Variants in STK3 observed in about 807,000 individuals in gnomAD.
STK3 encodes the protein serine/threonine-protein kinase 3.
A neutral mutation model predicts 58.0 loss-of-function variants in STK3; 41 were observed. That is an observed-to-expected ratio of 0.71 (90% CI 0.55 to 0.92). The LOEUF is 0.92. Among genes scored for constraint, STK3 ranks in the 40% least tolerant of loss-of-function variants. STK3 has a pLI of 0.00. For missense variants in STK3, 479 were observed against 602.7 expected (o/e 0.79, Z 2.15); for synonymous variants, 170 against 191.0 (o/e 0.89, Z 0.91).
At chr8:98,538,724 C>T (rs1027052311) in intron 9 of STK3, among the ~76,000 whole-genome samples, 1 of 152,166 alleles carries the variant, frequency 6.6e-6, no homozygotes, top group African/African-American at 2.4e-5. Flanking sequence ...CTAATATTTA[C>T]ATCCTTGTGT....
the STK3 span, among the ~76,000 whole-genome samples, chr8:98,366,140 A>G: frequency 6.6e-6 from 1 of 152,164 alleles, no homozygotes; most frequent in Admixed American, 6.5e-5. Context: ...ATTTTCACCA[A>G]TACTTTGTAT....
At chr8:98,738,164 G>C (rs186466864) in intron 4 of STK3, among the ~76,000 whole-genome samples, 1 of 152,156 alleles carries the variant, frequency 6.6e-6, no homozygotes, top group Admixed American at 6.6e-5. Flanking sequence ...ACTTTTTGTG[G>C]AGCTTGACAA....
At chr8:98,736,276 T>C (rs1828588492) in intron 4 of STK3, among the ~76,000 whole-genome samples, 1 of 152,140 alleles carries the variant, frequency 6.6e-6, no homozygotes, top group Non-Finnish European at 1.5e-5. Flanking sequence ...TGGGCCTTCA[T>C]GGATGCAAAT....
chr8:98,722,747 C>G, intron 4 of STK3: 1 of 197,976 alleles, frequency 5.1e-6, no homozygotes, highest in Non-Finnish European at 1.1e-5. Flanking sequence ...CAGTACCTTT[C>G]TCATATCTGT....
intron 1 of STK3, among the ~76,000 whole-genome samples, chr8:98,797,067 T>C (rs572560581): frequency 1.6e-4 from 24 of 152,336 alleles, no homozygotes; most frequent in Non-Finnish European, 3.4e-4. Context: ...CTGACATCTT[T>C]TCCCTAGCTA....
chr8:98,665,849 G>A lies in STK3; in HGVS notation c.684+40618C>T, dbSNP rs1199505680. Among the ~76,000 whole-genome samples, 3 of 151,942 alleles carry A rather than the reference G, an allele frequency of 2.0e-5. No individual in the cohort carries two copies. The East Asian group carries it at 5.8e-4, about 29-fold the overall frequency. On this transcript the variant is annotated intron_variant, in intron 6 of 10. Transcript: ENST00000419617. Reference sequence around the variant, plus strand: ...CTCCAGAGTAGCTGGGACTACATGTGCCCGCCACCACGCCCGGCTAATTTT... The same window carrying A: ...CTCCAGAGTAGCTGGGACTACATGTACCCGCCACCACGCCCGGCTAATTTT...
intron 7 of STK3, among the ~76,000 whole-genome samples, chr8:98,583,097 A>C (rs1814067870): frequency 1.3e-5 from 2 of 151,924 alleles, no homozygotes; most frequent in Admixed American, 1.3e-4. Context: ...TTTTATTAAA[A>C]TTTCATTGCC....
intron 1 of STK3, 111 bp downstream of exon 1, chr8:98,825,404 C>G: frequency 9.4e-7 from 1 of 1,066,190 alleles, no homozygotes; most frequent in Middle Eastern, 3.8e-4. Context: ...GCGCGCCCGG[C>G]TCGGGGCCCG....
At chr8:98,858,367 G>GAC (rs1836789496) in intron 3 of STK3, among the ~76,000 whole-genome samples, 1 of 140,198 alleles carries the variant, frequency 7.1e-6, no homozygotes, top group African/African-American at 2.6e-5. Context: ...GAGACAGAGA[G>GAC]AGAGTATATA....
At chr8:98,885,341 C>T (rs764415031) in intron 1 of STK3, among the ~76,000 whole-genome samples, 2 of 152,222 alleles carry the variant, frequency 1.3e-5, no homozygotes, top group Non-Finnish European at 2.9e-5. Context: ...GGAAGCCAAA[C>T]TTTACCCTCT....
intron 6 of STK3, among the ~76,000 whole-genome samples, chr8:98,698,269 G>C (rs1396386468): frequency 1.3e-5 from 2 of 151,268 alleles, no homozygotes; most frequent in African/African-American, 4.9e-5. Context: ...CTGCACGTGA[G>C]ATGGGTTTCC....
chr8:98,494,042 T>C (rs1337305066), intron 10 of STK3, among the ~76,000 whole-genome samples: 1 of 152,208 alleles, frequency 6.6e-6, no homozygotes, highest in Admixed American at 6.5e-5. Context: ...CCTTAATGAT[T>C]TCTCTACTTC....
intron 1 of STK3, among the ~76,000 whole-genome samples, chr8:98,886,186 T>A (rs146067805): frequency 6.6e-6 from 1 of 151,514 alleles, no homozygotes; most frequent in Non-Finnish European, 1.5e-5. Flanking sequence ...TATGTACACA[T>A]ACACACACAC....
In STK3 at chr8:98,812,935, A is replaced by G. The variant is rs143308659; in HGVS notation, c.26+12580T>C. 2.3e-3 allele frequency among the ~76,000 whole-genome samples: 345 copies of G among 152,300 alleles called. 1 individual carries two copies. Among genetic ancestry groups the G allele is most frequent in the African/African-American group, 7.7e-3 (321 of 41,542 alleles). ...TAGCATTAGGAGATATACCTAATGT[A>G]AATGACAAGTTAATGGGTGCAGCAT... On this transcript the variant is annotated intron_variant, in intron 1 of 10. Coordinates refer to ENST00000419617, the MANE Select transcript of STK3 (RefSeq NM_006281.4).
intron 6 of STK3, among the ~76,000 whole-genome samples, chr8:98,681,953 C>T (rs189885117): frequency 9.3e-4 from 141 of 152,346 alleles, no homozygotes; most frequent in African/African-American, 3.2e-3. Context: ...GCAGTGCCAA[C>T]GGGCCTACAG....
At chr8:98,425,835 T>C (rs1308236074) in intron 3 of STK3, among the ~76,000 whole-genome samples, 1 of 152,202 alleles carries the variant, frequency 6.6e-6, no homozygotes, top group East Asian at 1.9e-4. Context: ...GGTTGCACCA[T>C]GAATCCAGAG....
At chr8:98,618,442 T>C (rs190030943) in intron 6 of STK3, among the ~76,000 whole-genome samples, 24 of 152,246 alleles carry the variant, frequency 1.6e-4, no homozygotes, top group Non-Finnish European at 2.4e-4. Context: ...CTATTCAACA[T>C]AGTGTTGGAA....
chr8:98,700,883 C>T (rs1825542288), intron 6 of STK3, among the ~76,000 whole-genome samples: 1 of 152,130 alleles, frequency 6.6e-6, no homozygotes, highest in Non-Finnish European at 1.5e-5. Flanking sequence ...TACGCCTGTA[C>T]TCCCAACTAC....
At chr8:98,369,934 G>T (rs373359089), downstream of STK3, among the ~76,000 whole-genome samples, 44 of 152,202 alleles carry the variant, frequency 2.9e-4, no homozygotes, top group East Asian at 7.9e-3. Context: ...GAGGGTTCCT[G>T]CGTGTGGGCA....
Sources: allele counts gnomAD v4.1 joint callset (sites outside exome capture counted in the v4.1 genomes callset), GRCh38; gene constraint gnomAD v4.1.1; transcripts MANE v1.5; gene names NCBI Gene and HGNC (gene_info 2026-07-23, HGNC 2026-07-21).